Variants in MYO9B observed in about 807,000 individuals in gnomAD.
The protein encoded by MYO9B is myosin IXB, also known as unconventional myosin-IXb.
Under a neutral mutation model 229.5 loss-of-function variants are expected in MYO9B, and 71 were observed. The observed-to-expected ratio is 0.31, with a 90% CI of 0.26 to 0.38. MYO9B has a LOEUF of 0.38. Among genes scored for constraint, MYO9B ranks in the 10% least tolerant of loss-of-function variants. MYO9B has a pLI of 1.00. For synonymous variants in MYO9B, 1,185 were observed against 1,235.8 expected, an observed-to-expected ratio of 0.96 and a Z score of 0.86; for missense variants, 2,255 against 2,920.5, an observed-to-expected ratio of 0.77 and a Z score of 5.25.
intron 2 of MYO9B, among the ~76,000 whole-genome samples, chr19:17,125,829 C>T (rs971422369): frequency 6.6e-6 from 1 of 152,216 alleles, no homozygotes; most frequent in Admixed American, 6.5e-5. Flanking sequence ...CAGAACCCGG[C>T]AGCAGCTAGG....
intron 4 of MYO9B, among the ~76,000 whole-genome samples, chr19:17,153,707 A>G (rs1194769746): frequency 1.3e-5 from 2 of 151,928 alleles, no homozygotes; most frequent in East Asian, 1.9e-4. Context: ...AAAAAAAAAA[A>G]AAAGAAAAGA....
chr19:17,113,638 G>A (rs1257119564), intron 2 of MYO9B, among the ~76,000 whole-genome samples: 1 of 152,140 alleles, frequency 6.6e-6, no homozygotes, highest in Non-Finnish European at 1.5e-5. Context: ...TCCCTGAGGG[G>A]GGTGAGCTGG....
intron 2 of MYO9B, among the ~76,000 whole-genome samples, chr19:17,139,236 A>G (rs945991145): frequency 6.6e-6 from 1 of 152,130 alleles, no homozygotes; most frequent in African/African-American, 2.4e-5. Flanking sequence ...CCTGTACAGC[A>G]TGTTACTGTA....
At chr19:17,129,583 G>C (rs73928486) in intron 2 of MYO9B, among the ~76,000 whole-genome samples, 1 of 152,134 alleles carries the variant, frequency 6.6e-6, no homozygotes, top group East Asian at 1.9e-4. Context: ...CCACGGACGC[G>C]TCAGCCTCCT....
At chr19:17,110,748 C>T (rs886223223) in intron 2 of MYO9B, among the ~76,000 whole-genome samples, 1 of 152,168 alleles carries the variant, frequency 6.6e-6, no homozygotes, top group African/African-American at 2.4e-5. Context: ...TGATGGGCTG[C>T]AGGGCGCAGA....
At chr19:17,184,797 C>T (rs1256657672) in intron 16 of MYO9B, 68 bp from the exon 17 acceptor site, 1 of 1,604,184 alleles carries the variant, frequency 6.2e-7, no homozygotes, top group African/African-American at 1.3e-5. Context: ...TTCGGGGACA[C>T]CTGTGATGCC....
intron 2 of MYO9B, among the ~76,000 whole-genome samples, chr19:17,109,158 C>T (rs554092429): frequency 2.6e-5 from 4 of 151,654 alleles, no homozygotes; most frequent in South Asian, 2.1e-4. Context: ...TTCTGCCTCC[C>T]GGGTTCGTGC....
chr19:17,206,223 C>G, intron 32 of MYO9B, 25 bp from the exon 33 acceptor site: 1 of 1,579,058 alleles, frequency 6.3e-7, no homozygotes, highest in Non-Finnish European at 8.6e-7. Flanking sequence ...CGCCGCTCAC[C>G]AGACCCACCC....
At chr19:17,093,364 C>T (rs2057656767) in intron 1 of MYO9B, among the ~76,000 whole-genome samples, 1 of 152,078 alleles carries the variant, frequency 6.6e-6, no homozygotes, top group East Asian at 1.9e-4. Context: ...CATATATCTT[C>T]GGTTTGGGCT....
chr19:17,125,260 C>T (rs998625861), intron 2 of MYO9B, among the ~76,000 whole-genome samples: 4 of 151,650 alleles, frequency 2.6e-5, no homozygotes, highest in Non-Finnish European at 5.9e-5. Context: ...AAGATCATGC[C>T]ACTGCACACT....
At chr19:17,081,030 A>G (rs2057529426) in intron 1 of MYO9B, among the ~76,000 whole-genome samples, 1 of 151,938 alleles carries the variant, frequency 6.6e-6, no homozygotes, top group South Asian at 2.1e-4. Flanking sequence ...TTATTTGTTT[A>G]TTTATTTTGG....
chr19:17,171,528 C>T (rs112099477), intron 11 of MYO9B, among the ~76,000 whole-genome samples: 168 of 152,274 alleles, frequency 1.1e-3, no homozygotes, highest in African/African-American at 3.9e-3. Context: ...TCCAGACCTC[C>T]CAGGGGACAG....
rs371195486 is a variant in MYO9B, at chr19:17,137,950, G to A, written c.841-7447G>A. Among the ~76,000 whole-genome samples the A allele has an allele frequency of 3.2e-3, 476 of 150,428 alleles. 3 individuals are homozygous for A. The highest frequency in any genetic ancestry group is 0.01 in the African/African-American group (426 of 40,766). On this transcript the variant is annotated intron_variant, in intron 2 of 39. Coordinates refer to ENST00000682292, the MANE Select transcript of MYO9B (RefSeq NM_004145.4). The stretch of plus-strand genomic sequence containing the variant: ...AAGTTCTGGGATACATGTGCAGAAC[G>A]TGCAGTTTCGTTACATAGGTATACA...
chr19:17,100,670 G>A (rs1439502626), intron 1 of MYO9B, among the ~76,000 whole-genome samples: 2 of 152,124 alleles, frequency 1.3e-5, no homozygotes, highest in Non-Finnish European at 2.9e-5. Flanking sequence ...CTTGTTGCCC[G>A]TGACCTTGGC....
chr19:17,192,347 A>G (rs1369228844), intron 20 of MYO9B, among the ~76,000 whole-genome samples: 1 of 150,490 alleles, frequency 6.6e-6, no homozygotes, highest in Non-Finnish European at 1.5e-5. Flanking sequence ...TAATCCCAGC[A>G]TTTTTGGGAG....
chr19:17,144,950 A>G lies in MYO9B; in HGVS notation c.841-447A>G, dbSNP rs148913971. 4.6e-3 allele frequency among the ~76,000 whole-genome samples: 681 copies of G among 149,630 alleles called. 4 individuals carry two copies. Among genetic ancestry groups the G allele is most frequent in the Admixed American group, 6.8e-3 (101 of 14,782 alleles). On this transcript the variant is annotated intron_variant, in intron 2 of 39. Transcript: ENST00000682292. The stretch of plus-strand genomic sequence containing the variant: ...GCGCCCCTGCACTCCAGCCAAGGCA[A>G]CAGAGCGAGACTTCATCTCAAAAAA...
chr19:17,143,008 G>A, intron 2 of MYO9B, among the ~76,000 whole-genome samples: 1 of 152,164 alleles, frequency 6.6e-6, no homozygotes, highest in Non-Finnish European at 1.5e-5. Flanking sequence ...GGAGGCCAAG[G>A]CGGGCAGATC....
chr19:17,195,594 C>T lies in MYO9B; in HGVS notation c.4046+121C>T, dbSNP rs969437535. The T allele has an allele frequency of 8.6e-6, 11 of 1,284,618 alleles. No individual in the cohort carries two copies. Among genetic ancestry groups the T allele is most frequent in the Admixed American group, 6.7e-5 (3 of 44,486 alleles). The allele number at this position is 1,284,618 out of a possible 1,614,324, so 79.6% of individuals were successfully genotyped here. Reference sequence around the variant, plus strand: ...TCATGCCCAGTGGGTGTGCGGGAGGCCTGAGGGAGGAGGACGAGCAGGACA... The same window carrying T: ...TCATGCCCAGTGGGTGTGCGGGAGGTCTGAGGGAGGAGGACGAGCAGGACA... On this transcript the variant is annotated intron_variant, in intron 22 of 39. Transcript: ENST00000682292. This position sits in a 1 kb window ranked among gnomAD's most constrained non-coding sequence, Gnocchi z 4.5.
intron 14 of MYO9B, chr19:17,178,483 A>G (rs2072816300): frequency 1.3e-5 from 2 of 152,054 alleles, no homozygotes; most frequent in Admixed American, 1.3e-4. Flanking sequence ...ATTCAAAAAA[A>G]AAAAAAAAGC....
Sources: gnomAD v4.1 joint callset for allele counts (sites outside exome capture counted in the v4.1 genomes callset) on GRCh38, gnomAD v4.1.1 for gene constraint, Gnocchi (gnomAD v3.1) non-coding constraint, MANE v1.5 for transcripts, NCBI Gene and HGNC (gene_info 2026-07-23, HGNC 2026-07-21) for gene names.